The following HDAC9 variants were observed in gnomAD, a reference collection of about 807,000 sequenced individuals.
HDAC9 encodes the protein histone deacetylase 9.
Under a neutral mutation model 139.4 loss-of-function variants are expected in HDAC9, and 41 were observed. The ratio of observed to expected loss-of-function variants is 0.29; its 90% CI spans 0.23 to 0.38. The LOEUF (loss-of-function observed/expected upper bound fraction) is 0.38, where lower values mean the gene tolerates loss of function less well. Ranked by LOEUF, HDAC9 falls within the 10% of genes least tolerant of loss-of-function variation. The pLI, the probability that HDAC9 is intolerant of heterozygous loss-of-function variation, is 1.00. For synonymous variants in HDAC9, 517 were observed against 476.2 expected, an observed-to-expected ratio of 1.09 and a Z score of -1.12; for missense variants, 1,147 against 1,297.0, an observed-to-expected ratio of 0.88 and a Z score of 1.78.
At chr7:18,266,746 T>C (rs1200324069) in intron 2 of HDAC9, among the ~76,000 whole-genome samples, 1 of 152,142 alleles carries the variant, frequency 6.6e-6, no homozygotes, top group Non-Finnish European at 1.5e-5. Context: ...ACAGCAGCAG[T>C]TTTACCTGCC....
At position 18,103,848 on chromosome 7, in the gene HDAC9, A is replaced by G. The variant is rs530582084; in HGVS notation, c.-97+16635A>G. On this transcript the variant is annotated intron_variant, in intron 1 of 12. Transcript: ENST00000417496. Reference sequence around the variant, plus strand: ...ACATCGGAATAAATGTGAGCTATACATACATAAGAAAGATTCCTAAAAACA... The same window carrying G: ...ACATCGGAATAAATGTGAGCTATACGTACATAAGAAAGATTCCTAAAAACA... 1.2e-3 allele frequency among the ~76,000 whole-genome samples: 60 copies of G among 49,902 alleles called. No individual in the cohort carries two copies. The East Asian group carries it at 0.092, about 77-fold the overall frequency. The allele number at this position is 49,902 out of a possible 152,430, so 32.7% of individuals were successfully genotyped here.
chr7:18,764,660 G>A (rs890671196), intron 15 of HDAC9, among the ~76,000 whole-genome samples: 4 of 151,964 alleles, frequency 2.6e-5, no homozygotes, highest in African/African-American at 7.2e-5. Flanking sequence ...CTGGAAGACC[G>A]GATTGAAGCT....
chr7:18,943,464 G>C (rs1462196899), intron 23 of HDAC9, among the ~76,000 whole-genome samples: 5 of 152,048 alleles, frequency 3.3e-5, no homozygotes, highest in Non-Finnish European at 7.4e-5. Flanking sequence ...GTTGGTGACT[G>C]CCATAGATGT....
At chr7:18,234,093 G>T (rs1304341947) in intron 2 of HDAC9, among the ~76,000 whole-genome samples, 1 of 152,184 alleles carries the variant, frequency 6.6e-6, no homozygotes, top group Non-Finnish European at 1.5e-5. Context: ...ATGTGTGTTA[G>T]ATTACGTAGT....
intron 1 of HDAC9, among the ~76,000 whole-genome samples, chr7:18,396,946 A>G (rs949435725): frequency 8.6e-5 from 13 of 151,706 alleles, no homozygotes; most frequent in Non-Finnish European, 1.9e-4. Flanking sequence ...ACAATGTAAT[A>G]CCTTCTCTCC....
chr7:18,500,145 G>A (rs1174311729), intron 2 of HDAC9, among the ~76,000 whole-genome samples: 1 of 152,032 alleles, frequency 6.6e-6, no homozygotes, highest in Admixed American at 6.6e-5. Flanking sequence ...ATATTTCTAA[G>A]GATGACACAG....
intron 2 of HDAC9, among the ~76,000 whole-genome samples, chr7:18,583,430 C>T (rs1430494687): frequency 6.6e-6 from 1 of 152,004 alleles, no homozygotes; most frequent in East Asian, 1.9e-4. Context: ...GTATTTAAAG[C>T]TTTTGAAGAG....
intron 6 of HDAC9, among the ~76,000 whole-genome samples, chr7:18,619,625 A>T (rs1839667881): frequency 6.6e-6 from 1 of 152,112 alleles, no homozygotes; most frequent in South Asian, 2.1e-4. Flanking sequence ...TTTGAATGGG[A>T]AATATTTGAG....
rs1395742286 is a variant in HDAC9, at chr7:18,852,944, TCAATCCAAACCAAA to T, written c.2684+16951_2684+16964del. ...GATCCATCGAGGAAAAATAATGAAG[TCAATCCAAACCAAA>T]CAAATCATAGTAGGGGTGCGGGGAG... On this transcript the variant is annotated intron_variant, in intron 21 of 25. Transcript: ENST00000686413. Among the ~76,000 whole-genome samples the T allele has an allele frequency of 2.0e-5, 3 of 151,862 alleles. No individual in the cohort carries two copies. In the East Asian group the frequency reaches 5.8e-4, roughly 29 times the overall value.
At chr7:18,953,024 A>AT (rs1281247331) in intron 23 of HDAC9, among the ~76,000 whole-genome samples, 2 of 152,012 alleles carry the variant, frequency 1.3e-5, no homozygotes, top group African/African-American at 4.8e-5. Flanking sequence ...GAAGAATAGA[A>AT]TAATCAATTC....
chr7:18,421,489 A>G (rs896883050), intron 1 of HDAC9, among the ~76,000 whole-genome samples: 3 of 152,068 alleles, frequency 2.0e-5, no homozygotes, highest in African/African-American at 7.2e-5. Flanking sequence ...AATGAAAAGA[A>G]AGAAAAGGAA....
intron 13 of HDAC9, among the ~76,000 whole-genome samples, chr7:18,733,125 G>GTATA (rs4043672): frequency 1.4e-5 from 2 of 141,392 alleles, no homozygotes; most frequent in African/African-American, 5.4e-5. Flanking sequence ...GTGTATACAT[G>GTATA]TATATATATA....
intron 11 of HDAC9, among the ~76,000 whole-genome samples, chr7:18,653,817 A>G (rs1216489009): frequency 1.3e-5 from 2 of 152,154 alleles, no homozygotes; most frequent in Admixed American, 6.6e-5. Context: ...TTATTTGAGT[A>G]GTATCTGTAT....
At chr7:18,912,952 A>G (rs565166637) in intron 22 of HDAC9, among the ~76,000 whole-genome samples, 12 of 152,064 alleles carry the variant, frequency 7.9e-5, no homozygotes, top group Non-Finnish European at 1.5e-4. Context: ...AATTCACTGC[A>G]CTGTAAATAA....
Position 18,945,908 on chromosome 7 carries a change from G to A in HDAC9, c.2938-8238G>A, listed in dbSNP as rs192534396. Among the ~76,000 whole-genome samples, 263 of 151,432 alleles carry A rather than the reference G, an allele frequency of 1.7e-3. 3 individuals are homozygous for A. Among genetic ancestry groups the A allele is most frequent in the South Asian group, 3.3e-3 (16 of 4,780 alleles). On this transcript the variant is annotated intron_variant, in intron 23 of 25. Transcript: ENST00000686413. ...AAAAATTAGCTGGGCGTGGTGGTGC[G>A]CACCTGTATTCCCAGCTACTCAGGA...
intron 1 of HDAC9, among the ~76,000 whole-genome samples, chr7:18,145,770 C>T (rs1459551167): frequency 6.6e-6 from 1 of 152,086 alleles, no homozygotes; most frequent in Non-Finnish European, 1.5e-5. Context: ...GGGTTGTATT[C>T]AGATACCGGT....
At chr7:18,826,635 A>G (rs1268704701) in intron 17 of HDAC9, among the ~76,000 whole-genome samples, 1 of 150,378 alleles carries the variant, frequency 6.6e-6, no homozygotes, top group East Asian at 2.0e-4. Context: ...AAGGAGGAAG[A>G]GAGAATTCAA....
intron 21 of HDAC9, among the ~76,000 whole-genome samples, chr7:18,855,742 G>A (rs1797625877): frequency 6.6e-6 from 1 of 151,988 alleles, no homozygotes; most frequent in African/African-American, 2.4e-5. Context: ...AGGGAGAAGG[G>A]ATTCTTAGCC....
At chr7:18,469,504 C>A (rs1356592583) in intron 1 of HDAC9, among the ~76,000 whole-genome samples, 3 of 152,076 alleles carry the variant, frequency 2.0e-5, no homozygotes, top group Admixed American at 2.0e-4. Flanking sequence ...TAAATGGTGA[C>A]ACATCTAACA....
Sources: allele counts gnomAD v4.1 joint callset (sites outside exome capture counted in the v4.1 genomes callset), GRCh38; gene constraint gnomAD v4.1.1; transcripts MANE v1.5; gene names NCBI Gene and HGNC (gene_info 2026-07-23, HGNC 2026-07-21).